Variants in JARID2 observed in about 807,000 individuals in gnomAD.
JARID2 encodes the protein protein Jumonji.
In JARID2, 21 loss-of-function variants were observed where a neutral mutation model predicts 125.6. That is an observed-to-expected ratio of 0.17 (90% CI 0.12 to 0.24). The LOEUF is 0.24. Among genes scored for constraint, JARID2 ranks in the 10% least tolerant of loss-of-function variants. JARID2 has a pLI of 1.00. For missense variants in JARID2, 1,303 were observed against 1,639.6 expected, an observed-to-expected ratio of 0.79 and a Z score of 3.55; for synonymous variants, 736 against 661.6, an observed-to-expected ratio of 1.11 and a Z score of -1.73.
At chr6:15,419,610 G>A (rs1278621415) in intron 3 of JARID2, among the ~76,000 whole-genome samples, 1 of 152,154 alleles carries the variant, frequency 6.6e-6, no homozygotes, top group Non-Finnish European at 1.5e-5. Flanking sequence ...ATTACATGCA[G>A]TTATACAAAA....
intron 1 of JARID2, among the ~76,000 whole-genome samples, chr6:15,329,453 A>G (rs1334018547): frequency 2.6e-5 from 4 of 152,130 alleles, no homozygotes; most frequent in Admixed American, 6.5e-5. Context: ...CTAGCTCACA[A>G]TTTTGCTGTT....
At chr6:15,413,006 TTG>T (rs60862110) in intron 3 of JARID2, among the ~76,000 whole-genome samples, 1 of 58,606 alleles carries the variant, frequency 1.7e-5, no homozygotes, top group African/African-American at 1.0e-4. Context: ...GCTTGTGTTT[TTG>T]TTTTTTTTTT....
At chr6:15,493,904 A>T (rs933938396) in intron 6 of JARID2, among the ~76,000 whole-genome samples, 1 of 151,774 alleles carries the variant, frequency 6.6e-6, no homozygotes, top group Non-Finnish European at 1.5e-5. Context: ...TTTTAAATTT[A>T]TCATTGCCAG....
chr6:15,350,768 A>G (rs1247368276), intron 1 of JARID2, among the ~76,000 whole-genome samples: 6 of 149,878 alleles, frequency 4.0e-5, no homozygotes, highest in Non-Finnish European at 8.9e-5. Context: ...AAAGGCATAG[A>G]AACTGAGTGG....
rs1771782204 is a variant in JARID2 at position 15,520,497 on chromosome 6, G to GGGCT, written c.*248_*251dup. On this transcript the variant is annotated 3_prime_UTR_variant, in exon 18 of 18. Coordinates refer to ENST00000341776, the MANE Select transcript of JARID2 (RefSeq NM_004973.4). ...AGTCACTGTTTTAAAAACCCCGGAG[G>GGGCT]GGCTGTATTAATTTGTATTGCCCCA... The GGGCT allele has an allele frequency of 9.8e-6, 4 of 409,772 alleles. No individual in the cohort carries two copies. The South Asian group carries it at 1.3e-4, about 14-fold the overall frequency. The allele number at this position is 409,772 out of a possible 1,614,324, so 25.4% of individuals were successfully genotyped here.
intron 1 of JARID2, among the ~76,000 whole-genome samples, chr6:15,362,719 A>G (rs1278897931): frequency 6.6e-6 from 1 of 152,160 alleles, no homozygotes; most frequent in East Asian, 1.9e-4. Flanking sequence ...ATGGTGTCAA[A>G]TTGCAGCGTG....
chr6:15,467,523 G>A (rs1005401255), intron 4 of JARID2, among the ~76,000 whole-genome samples: 1 of 147,140 alleles, frequency 6.8e-6, no homozygotes, highest in Non-Finnish European at 1.5e-5. Context: ...GAACTATATT[G>A]TGCTTTTTTT....
intron 1 of JARID2, among the ~76,000 whole-genome samples, chr6:15,336,533 C>A (rs149031996): frequency 2.0e-5 from 3 of 151,946 alleles, no homozygotes; most frequent in East Asian, 3.9e-4. Flanking sequence ...GTAGGGAAAC[C>A]GTTTTGTCTG....
intron 4 of JARID2, among the ~76,000 whole-genome samples, chr6:15,456,108 A>C (rs901365443): frequency 1.3e-5 from 2 of 152,238 alleles, no homozygotes; most frequent in Non-Finnish European, 2.9e-5. Context: ...GGAATGTCTC[A>C]GTGATTCTGT....
At chr6:15,375,257 C>A (rs1348923321) in intron 2 of JARID2, among the ~76,000 whole-genome samples, 2 of 152,192 alleles carry the variant, frequency 1.3e-5, no homozygotes, top group African/African-American at 4.8e-5. Context: ...GCAGAGTTTC[C>A]TGAGATGACC....
chr6:15,269,504 G>C (rs1480810917), intron 1 of JARID2, among the ~76,000 whole-genome samples: 1 of 151,928 alleles, frequency 6.6e-6, no homozygotes, highest in Non-Finnish European at 1.5e-5. Flanking sequence ...TAGTAGCTGG[G>C]ACCACAGGTG....
At chr6:15,251,055 A>G (rs1432744088) in intron 1 of JARID2, among the ~76,000 whole-genome samples, 1 of 151,774 alleles carries the variant, frequency 6.6e-6, no homozygotes. Context: ...GGTCTTGCTC[A>G]GCCACCCAGG....
chr6:15,258,654 C>T (rs543676348), intron 1 of JARID2, among the ~76,000 whole-genome samples: 6 of 152,158 alleles, frequency 3.9e-5, no homozygotes, highest in African/African-American at 9.6e-5. Context: ...TGGTGGCAAG[C>T]GCCTGTAATC....
chr6:15,410,565 A>G (rs1198399813), intron 3 of JARID2, among the ~76,000 whole-genome samples, 200 bp downstream of exon 3: 1 of 152,216 alleles, frequency 6.6e-6, no homozygotes, highest in Non-Finnish European at 1.5e-5. Flanking sequence ...GGGAAAAAAA[A>G]GTGCTCTGGA....
In JARID2 at chr6:15,256,578, A is replaced by G. The variant is rs373849279; in HGVS notation, c.45+9994A>G. ...GCCCTTCTTGATGTACTCTGGGCTT[A>G]TCCTGCCACCCATCCACTTCACACA... On this transcript the variant is annotated intron_variant, in intron 1 of 17. Coordinates refer to ENST00000341776, the MANE Select transcript of JARID2 (RefSeq NM_004973.4). 2.0e-5 allele frequency among the ~76,000 whole-genome samples: 3 copies of G among 152,290 alleles called. 1 individual carries two copies. The highest frequency in any genetic ancestry group is 7.2e-5 in the African/African-American group (3 of 41,556).
In JARID2 at chr6:15,366,054, G is replaced by A. The variant is rs375400008; in HGVS notation, c.46-8063G>A. Among the ~76,000 whole-genome samples the A allele has an allele frequency of 3.6e-4, 55 of 151,996 alleles. No homozygotes were observed. In the East Asian group the frequency reaches 7.9e-3, roughly 22 times the overall value. On this transcript the variant is annotated intron_variant, in intron 1 of 17. Coordinates refer to ENST00000341776, the MANE Select transcript of JARID2 (RefSeq NM_004973.4). ...CTTCATCACCCCCAACCCCATTTTTGTTTACACTTAATCTGTGGGAAGAAT... is the reference window on the plus strand; with the variant it reads ...CTTCATCACCCCCAACCCCATTTTTATTTACACTTAATCTGTGGGAAGAAT...
chr6:15,401,868 AG>A lies in JARID2; in HGVS notation c.182-8354del, dbSNP rs535011819. Among the ~76,000 whole-genome samples the A allele has an allele frequency of 3.1e-3, 464 of 147,868 alleles. 3 individuals carry two copies. Among genetic ancestry groups the A allele is most frequent in the African/African-American group, 0.011 (451 of 40,200 alleles). ...AAAGAATGCTGCTCTGGGAGGCAGTAGGCCTTTCTGAAGTTATTTGTTGTCA... is the reference window on the plus strand; with the variant it reads ...AAAGAATGCTGCTCTGGGAGGCAGTAGCCTTTCTGAAGTTATTTGTTGTCA... On this transcript the variant is annotated intron_variant, in intron 2 of 17. Coordinates refer to ENST00000341776, the MANE Select transcript of JARID2 (RefSeq NM_004973.4).
chr6:15,328,198 G>A (rs982978122), intron 1 of JARID2, among the ~76,000 whole-genome samples: 12 of 152,032 alleles, frequency 7.9e-5, no homozygotes, highest in African/African-American at 2.7e-4. Flanking sequence ...TCTGAGGTCC[G>A]AAGAAGCAAA....
intron 3 of JARID2, among the ~76,000 whole-genome samples, chr6:15,422,913 T>G (rs1766561685): frequency 6.6e-6 from 1 of 152,178 alleles, no homozygotes; most frequent in Non-Finnish European, 1.5e-5. Context: ...CGCCTGTTGT[T>G]GAGTCCATCT....
Sources: allele counts gnomAD v4.1 joint callset (sites outside exome capture counted in the v4.1 genomes callset), GRCh38; gene constraint gnomAD v4.1.1; transcripts MANE v1.5; gene names NCBI Gene and HGNC (gene_info 2026-07-23, HGNC 2026-07-21).